The following SAMD15 variants were observed in gnomAD, a reference collection of about 807,000 sequenced individuals.
The protein encoded by SAMD15 is sterile alpha motif domain-containing protein 15.
In SAMD15, 37 loss-of-function variants were observed where a neutral mutation model predicts 50.5. The ratio of observed to expected loss-of-function variants is 0.73; its 90% CI spans 0.56 to 0.96. The LOEUF (loss-of-function observed/expected upper bound fraction) is 0.96, where lower values mean the gene tolerates loss of function less well. Among genes scored for constraint, SAMD15 ranks in the 40% least tolerant of loss-of-function variants. The pLI is 0.00. For synonymous variants in SAMD15, 255 were observed against 282.8 expected (o/e 0.90, Z 0.99); for missense variants, 789 against 783.8 (o/e 1.01, Z -0.08).
chr14:77,389,724 C>A (rs1894049582), intron 2 of SAMD15, among the ~76,000 whole-genome samples: 1 of 151,928 alleles, frequency 6.6e-6, no homozygotes, highest in African/African-American at 2.4e-5. Flanking sequence ...TGGTCTCGAT[C>A]TCCTGACCTC....
At chr14:77,380,547 C>A in intron 2 of SAMD15, 66 bp downstream of exon 2, 1 of 1,036,032 alleles carries the variant, frequency 9.7e-7, no homozygotes, top group Non-Finnish European at 1.5e-6. Context: ...CTCAAACCAA[C>A]CTTTTTTTCC....
Position 77,392,077 on chromosome 14 carries a change from A to G in SAMD15, c.*833A>G, listed in dbSNP as rs1172906178. 6.6e-6 allele frequency among the ~76,000 whole-genome samples: 1 copy of G among 152,140 alleles called. No homozygotes were observed. Among genetic ancestry groups the G allele is most frequent in the African/African-American group, 2.4e-5 (1 of 41,442 alleles). On this transcript the variant is annotated 3_prime_UTR_variant, in exon 3 of 3. Coordinates refer to ENST00000216471, the MANE Select transcript of SAMD15 (RefSeq NM_001010860.4). ...TAAAACAAACAAACAAAACAAAGCA[A>G]AACAAAATTCCTGAAAAATTCTAGT...
chr14:77,378,952 G>T lies in SAMD15; in HGVS notation c.1534G>T (p.Glu512Ter). The change falls in exon 1 of 3, where the codon GAA becomes TAA. Residue 512 changes from glutamate (E) to a stop codon, truncating the protein, a stop_gained. Coordinates refer to ENST00000216471, the MANE Select transcript of SAMD15 (RefSeq NM_001010860.4). LOFTEE classifies it high-confidence loss of function. Reference protein sequence around the residue: ...TELSEFVHEKEVVDLSQELKE... With the variant: ...TELSEFVHEK ...ATTAAGTGAGTTCGTTCATGAAAAG[G>T]AAGTTGTAGATTTGTCCCAAGAGTT... The T allele has an allele frequency of 1.2e-6, 2 of 1,614,162 alleles. No homozygotes were observed. The highest frequency in any genetic ancestry group is 1.7e-6 in the Non-Finnish European group (2 of 1,180,018).
chr14:77,389,851 T>C (rs975310776), intron 2 of SAMD15, among the ~76,000 whole-genome samples: 1 of 152,156 alleles, frequency 6.6e-6, no homozygotes, highest in African/African-American at 2.4e-5. Context: ...GCTCAATGAA[T>C]ACAAATTTTG....
At chr14:77,382,637 G>A (rs1296753490) in intron 2 of SAMD15, among the ~76,000 whole-genome samples, 1 of 97,958 alleles carries the variant, frequency 1.0e-5, no homozygotes, top group Non-Finnish European at 1.9e-5. Flanking sequence ...CTATTTAACT[G>A]TATTGCCTAA....
Position 77,378,129 on chromosome 14 carries a change from A to AC in SAMD15, c.713dup (p.Glu239ArgfsTer12). On this transcript the variant is annotated frameshift_variant, in exon 1 of 3. Transcript: ENST00000216471. LOFTEE classifies it high-confidence loss of function. ...ATCTTCAGCCACCAAAGATGACCAA[A>AC]CCAGAGACTCCAGAGGAGACACAAA... The AC allele has an allele frequency of 6.2e-7, 1 of 1,613,842 alleles. No individual in the cohort carries two copies. The highest frequency in any genetic ancestry group is 2.2e-5 in the East Asian group (1 of 44,884).
At chr14:77,384,096 T>C (rs77088756) in intron 2 of SAMD15, among the ~76,000 whole-genome samples, 3,992 of 151,954 alleles carry the variant, frequency 0.026, 181 homozygotes, top group African/African-American at 0.092. Flanking sequence ...TTAAAATGTC[T>C]CCATTGTACT....
chr14:77,380,798 C>T lies in SAMD15; in HGVS notation c.1788+317C>T, dbSNP rs190645779. Among the ~76,000 whole-genome samples, 5 of 152,256 alleles carry T rather than the reference C, an allele frequency of 3.3e-5. No individual in the cohort carries two copies. In the East Asian group the frequency reaches 9.6e-4, roughly 29 times the overall value. Reference sequence around the variant, plus strand: ...CCTGTCTCAATGGACCCTTTGGATTCAAGGGCCCTGCTTTTATGCTCTCAC... The same window carrying T: ...CCTGTCTCAATGGACCCTTTGGATTTAAGGGCCCTGCTTTTATGCTCTCAC... On this transcript the variant is annotated intron_variant, in intron 2 of 2. Coordinates refer to ENST00000216471, the MANE Select transcript of SAMD15 (RefSeq NM_001010860.4).
rs890400984 is a variant in SAMD15 at position 77,377,709 on chromosome 14, C to T, written c.291C>T (p.Ser97=). The T allele has an allele frequency of 5.6e-6, 9 of 1,614,062 alleles. No homozygotes were observed. The highest frequency in any genetic ancestry group is 1.7e-5 in the Admixed American group (1 of 60,012). The change falls in exon 1 of 3, where the codon AGC becomes AGT. Residue 97 remains serine, a synonymous_variant. Transcript: ENST00000216471. ...AGGAGTCCAAGAGAGACGTACCAAG[C>T]GAAACTGAACCAGGGATACACCAAG... ...IAKESKRDVP[S]ETEPGIHQEV... is the part of the protein sequence containing the mutation.
Position 77,377,561 on chromosome 14 carries a change from C to T in SAMD15, c.143C>T (p.Pro48Leu). Residue 48 changes from proline to leucine, a missense_variant, in exon 1 of 3, where the codon CCA becomes CTA. Pro to Leu is a moderately conservative substitution (Grantham distance 98). This residue lies in a region of SAMD15 where 770 missense variants were observed against 745.4 expected (regional missense o/e 1.03). Transcript: ENST00000216471. ...DTMAKADSKLPAEIYQEPQPE... is the reference protein window; with the variant it reads ...DTMAKADSKLLAEIYQEPQPE... ...ATGGCAAAGGCAGACTCGAAGCTAC[C>T]AGCAGAGATTTACCAAGAGCCACAG... 8 of 1,614,040 alleles carry T rather than the reference C, an allele frequency of 5.0e-6. No individual in the cohort carries two copies. The highest frequency in any genetic ancestry group is 6.8e-6 in the Non-Finnish European group (8 of 1,180,022).
rs1306144180 is a variant in SAMD15 at position 77,391,292 on chromosome 14, G to A, written c.*48G>A. 2 of 1,210,802 alleles carry A rather than the reference G, an allele frequency of 1.7e-6. No homozygotes were observed. Among genetic ancestry groups the A allele is most frequent in the Non-Finnish European group, 2.4e-6 (2 of 837,412 alleles). 75.0% of individuals were successfully genotyped at this position (1,210,802 alleles called of 1,614,324 possible). A position where few individuals can be genotyped will look rare whatever the true frequency, so the allele number is the denominator to read the frequency against. On this transcript the variant is annotated 3_prime_UTR_variant, in exon 3 of 3. Transcript: ENST00000216471. Reference sequence around the variant, plus strand: ...TGAAAGATCAAACTAAATTACTTGAGGGAAGAGGTATGGTCTTTTTTGGTT... The same window carrying A: ...TGAAAGATCAAACTAAATTACTTGAAGGAAGAGGTATGGTCTTTTTTGGTT...
intron 2 of SAMD15, among the ~76,000 whole-genome samples, chr14:77,389,965 T>C (rs1343607470): frequency 6.6e-6 from 1 of 151,866 alleles, no homozygotes; most frequent in Non-Finnish European, 1.5e-5. Flanking sequence ...AGTGTTTGAG[T>C]TTTTTAGTTA....
In SAMD15 at chr14:77,391,564, C is replaced by T. The variant is rs1791113730; in HGVS notation, c.*320C>T. 2 of 200,060 alleles carry T rather than the reference C, an allele frequency of 1.0e-5. No homozygotes were observed. Among genetic ancestry groups the T allele is most frequent in the Middle Eastern group, 1.9e-3 (1 of 518 alleles). 12.4% of individuals were successfully genotyped at this position (200,060 alleles called of 1,614,324 possible). ...AACTCCTAACAGTTGATCTGCCCGC[C>T]GTGGCGTCCCAAAGTGCTGGGATTA... is the stretch of plus-strand genomic sequence containing the variant. On this transcript the variant is annotated 3_prime_UTR_variant, in exon 3 of 3. Coordinates refer to ENST00000216471, the MANE Select transcript of SAMD15 (RefSeq NM_001010860.4).
chr14:77,391,484 AT>A lies in SAMD15; in HGVS notation c.*245del. On this transcript the variant is annotated 3_prime_UTR_variant, in exon 3 of 3. Transcript: ENST00000216471. The stretch of plus-strand genomic sequence containing the variant: ...AGGCATCCGCCATCATGCCCAGCTA[AT>A]TTTTGTATTTTTAGTAGATATGATG... The A allele has an allele frequency of 2.8e-6, 1 of 357,106 alleles. No individual in the cohort carries two copies. The highest frequency in any genetic ancestry group is 5.0e-6 in the Non-Finnish European group (1 of 199,884). The allele number at this position is 357,106 out of a possible 1,614,324, so 22.1% of individuals were successfully genotyped here.
At chr14:77,381,293 A>G (rs1405476501) in intron 2 of SAMD15, among the ~76,000 whole-genome samples, 1 of 152,216 alleles carries the variant, frequency 6.6e-6, no homozygotes, top group Non-Finnish European at 1.5e-5. Context: ...CTCCAGCACC[A>G]ACAGTTCATG....
rs1481268191 is a variant in SAMD15, at chr14:77,378,394, C to T, written c.976C>T (p.Pro326Ser). Residue 326 changes from proline (P) to serine (S), a missense_variant, in exon 1 of 3, where the codon CCT becomes TCT. Pro to Ser is a moderately conservative substitution (Grantham distance 74). Coordinates refer to ENST00000216471, the MANE Select transcript of SAMD15 (RefSeq NM_001010860.4). ...KPRKSTDENV[P>S]EPLEEIKLEF... ...AAGAAAGTCTACTGATGAGAACGTT[C>T]CTGAGCCACTAGAAGAGATCAAATT... is the stretch of plus-strand genomic sequence containing the variant. 6.2e-7 allele frequency: 1 copy of T among 1,614,010 alleles called. No homozygotes were observed. The highest frequency in any genetic ancestry group is 1.7e-5 in the Admixed American group (1 of 59,976).
chr14:77,388,829 G>A (rs370226639), intron 2 of SAMD15, among the ~76,000 whole-genome samples: 4 of 151,966 alleles, frequency 2.6e-5, no homozygotes, highest in African/African-American at 7.2e-5. Context: ...GGTTGGTCTC[G>A]AACTCCTGAC....
Position 77,377,720 on chromosome 14 carries a change from C to A in SAMD15, c.302C>A (p.Pro101Gln). 6.2e-7 allele frequency: 1 copy of A among 1,614,166 alleles called. No individual in the cohort carries two copies. Among genetic ancestry groups the A allele is most frequent in the Non-Finnish European group, 8.5e-7 (1 of 1,180,036 alleles). The change falls in exon 1 of 3, where the codon CCA (proline) becomes CAA (glutamine). Residue 101 changes from proline to glutamine, a missense_variant. This residue lies in a region of SAMD15 where 770 missense variants were observed against 745.4 expected (regional missense o/e 1.03). Transcript: ENST00000216471. ...AGAGACGTACCAAGCGAAACTGAAC[C>A]AGGGATACACCAAGAGGTAAAGTCG... Reference protein sequence around the residue: ...SKRDVPSETEPGIHQEVKSET... With the variant: ...SKRDVPSETEQGIHQEVKSET...
At chr14:77,383,060 C>A (rs1594861740) in intron 2 of SAMD15, among the ~76,000 whole-genome samples, 4 of 152,254 alleles carry the variant, frequency 2.6e-5, no homozygotes, top group South Asian at 4.1e-4. Flanking sequence ...CACTTAACTA[C>A]CAAGTACTGC....
Sources: allele counts gnomAD v4.1 joint callset (sites outside exome capture counted in the v4.1 genomes callset), GRCh38; gene constraint gnomAD v4.1.1; regional missense constraint gnomAD v4.1.1; transcripts MANE v1.5; gene names NCBI Gene and HGNC (gene_info 2026-07-23, HGNC 2026-07-21).